RAP1GAP2: variants seen among roughly 807,000 people sequenced by gnomAD.
RAP1GAP2 encodes the protein RAP1 GTPase activating protein 2, also known as rap1 GTPase-activating protein 2.
Under a neutral mutation model 95.0 loss-of-function variants are expected in RAP1GAP2, and 27 were observed. The observed-to-expected ratio is 0.28, with a 90% confidence interval of 0.21 to 0.39. The LOEUF is 0.39. RAP1GAP2 is among the 10% of genes least tolerant of loss of function. The pLI is 1.00. For synonymous variants in RAP1GAP2, 373 were observed against 380.9 expected (o/e 0.98, Z 0.24); for missense variants, 771 against 970.0 (o/e 0.79, Z 2.72).
At chr17:2,956,183 G>C (rs537300455) in intron 3 of RAP1GAP2, among the ~76,000 whole-genome samples, 6 of 152,368 alleles carry the variant, frequency 3.9e-5, no homozygotes, top group African/African-American at 1.4e-4. Flanking sequence ...CAAGTTGGAA[G>C]AGGAGGTTTG....
At chr17:2,945,929 A>G (rs1216068895) in intron 3 of RAP1GAP2, among the ~76,000 whole-genome samples, 1 of 152,078 alleles carries the variant, frequency 6.6e-6, no homozygotes, top group African/African-American at 2.4e-5. Context: ...AGCTGGGATT[A>G]TAGGCACGTG....
intron 2 of RAP1GAP2, among the ~76,000 whole-genome samples, chr17:2,851,961 C>CTG (rs1277063961): frequency 3.3e-5 from 5 of 152,158 alleles, no homozygotes; most frequent in Admixed American, 1.3e-4. Flanking sequence ...GTGCAGCCTT[C>CTG]TGTGTGTGGG....
At chr17:2,850,470 C>T (rs549211464) in intron 2 of RAP1GAP2, among the ~76,000 whole-genome samples, 87 of 151,448 alleles carry the variant, frequency 5.7e-4, no homozygotes, top group African/African-American at 1.9e-3. Flanking sequence ...TAAAGGCAGC[C>T]GGGCGCTGTG....
intron 2 of RAP1GAP2, among the ~76,000 whole-genome samples, chr17:2,831,527 G>A (rs948795069): frequency 1.3e-5 from 2 of 151,598 alleles, no homozygotes; most frequent in African/African-American, 4.8e-5. Flanking sequence ...GTATTTAACG[G>A]TGTGGATTTA....
chr17:2,943,608 T>C (rs540335545), intron 3 of RAP1GAP2, among the ~76,000 whole-genome samples: 10 of 152,024 alleles, frequency 6.6e-5, no homozygotes, highest in African/African-American at 2.2e-4. Flanking sequence ...GATGAGGCAG[T>C]GAGCTGAGAT....
intron 8 of RAP1GAP2, among the ~76,000 whole-genome samples, chr17:2,966,795 C>T (rs967040099): frequency 6.6e-6 from 1 of 152,084 alleles, no homozygotes; most frequent in Admixed American, 6.5e-5. Flanking sequence ...CTAGGTGAAC[C>T]TCTGTGAAGA....
intron 4 of RAP1GAP2, among the ~76,000 whole-genome samples, chr17:2,960,468 A>G (rs1478771991): frequency 3.3e-5 from 5 of 152,196 alleles, no homozygotes; most frequent in Non-Finnish European, 5.9e-5. Context: ...GCCCTCCTGA[A>G]CAATGCTGCA....
At chr17:2,810,569 C>T (rs1196083044) in intron 2 of RAP1GAP2, among the ~76,000 whole-genome samples, 4 of 113,640 alleles carry the variant, frequency 3.5e-5, no homozygotes, top group African/African-American at 1.4e-4. Context: ...CTCGCTCTGT[C>T]ACCCAGGCTA....
At chr17:2,881,384 T>C (rs2073284479) in intron 2 of RAP1GAP2, among the ~76,000 whole-genome samples, 4 of 152,230 alleles carry the variant, frequency 2.6e-5, no homozygotes, top group Admixed American at 2.6e-4. Flanking sequence ...ATGCTCAGTG[T>C]GTAGATGGAA....
intron 2 of RAP1GAP2, among the ~76,000 whole-genome samples, chr17:2,890,326 G>C (rs1442606267): frequency 6.6e-6 from 1 of 152,198 alleles, no homozygotes; most frequent in Admixed American, 6.5e-5. Context: ...GCTGTAGTCT[G>C]TCCCCATTGA....
At chr17:2,985,156 C>T in intron 11 of RAP1GAP2, 90 bp downstream of exon 11, 2 of 1,567,938 alleles carry the variant, frequency 1.3e-6, no homozygotes, top group Non-Finnish European at 1.7e-6. Context: ...GGAGTCCTGA[C>T]CTGCGTTCTG....
chr17:2,895,309 C>T (rs1379615328), intron 2 of RAP1GAP2, among the ~76,000 whole-genome samples: 1 of 152,158 alleles, frequency 6.6e-6, no homozygotes, highest in Non-Finnish European at 1.5e-5. Flanking sequence ...ATCTCCTCCC[C>T]AGCGGGCCCC....
chr17:2,998,128 C>G, intron 13 of RAP1GAP2, 93 bp from the exon 14 acceptor site: 1 of 1,378,082 alleles, frequency 7.3e-7, no homozygotes, highest in Admixed American at 1.9e-5. Context: ...TTCAGTTTTC[C>G]TGTGTGCAAA....
intron 1 of RAP1GAP2, among the ~76,000 whole-genome samples, chr17:2,767,287 G>A (rs2068293771): frequency 6.8e-6 from 1 of 147,912 alleles, no homozygotes; most frequent in Non-Finnish European, 1.5e-5. Context: ...ACTTGAACCC[G>A]GGCGGCAGAG....
intron 1 of RAP1GAP2, among the ~76,000 whole-genome samples, chr17:2,766,180 C>T (rs923799119): frequency 5.9e-5 from 9 of 152,168 alleles, no homozygotes; most frequent in Admixed American, 3.3e-4. Context: ...GGACACTGTG[C>T]GTCCTCTGCA....
At chr17:2,846,497 G>A (rs746678290) in intron 2 of RAP1GAP2, among the ~76,000 whole-genome samples, 24 of 151,872 alleles carry the variant, frequency 1.6e-4, no homozygotes, top group Non-Finnish European at 2.8e-4. Flanking sequence ...TGCAACCTCC[G>A]CCTCCCAGGT....
At position 3,005,894 on chromosome 17, in the gene RAP1GAP2, C is replaced by T. The variant is rs1012936653; in HGVS notation, c.1273-61C>T. Reference sequence around the variant, plus strand: ...CGGCTCTGCCTGCCTGTCACTGTGGCTGAAGACCTTCTGGCAACAGCCGAG... The same window carrying T: ...CGGCTCTGCCTGCCTGTCACTGTGGTTGAAGACCTTCTGGCAACAGCCGAG... On this transcript the variant is annotated intron_variant, in intron 15 of 24. Transcript: ENST00000254695. The surrounding 1 kb of genome is among the most constrained non-coding windows in gnomAD (Gnocchi z 5.2). The T allele has an allele frequency of 3.7e-5, 55 of 1,501,012 alleles. No homozygotes were observed. The highest frequency in any genetic ancestry group is 4.5e-5 in the Non-Finnish European group (49 of 1,077,534). The allele number at this position is 1,501,012 out of a possible 1,614,324, so 93.0% of individuals were successfully genotyped here. A position where few individuals can be genotyped will look rare whatever the true frequency, so the allele number is the denominator to read the frequency against.
intron 11 of RAP1GAP2, among the ~76,000 whole-genome samples, chr17:2,988,365 T>C (rs1395395091): frequency 2.0e-5 from 3 of 152,180 alleles, no homozygotes; most frequent in African/African-American, 7.2e-5. Context: ...ACAACCAGGA[T>C]GTGGACATCA....
At chr17:2,865,640 C>A (rs538071651) in intron 2 of RAP1GAP2, among the ~76,000 whole-genome samples, 5 of 152,192 alleles carry the variant, frequency 3.3e-5, no homozygotes, top group Non-Finnish European at 7.3e-5. Flanking sequence ...CATCTGAAAA[C>A]GAGATCTGCA....
Sources: allele counts gnomAD v4.1 joint callset (sites outside exome capture counted in the v4.1 genomes callset), GRCh38; gene constraint gnomAD v4.1.1; non-coding constraint Gnocchi (gnomAD v3.1); transcripts MANE v1.5; gene names NCBI Gene and HGNC (gene_info 2026-07-23, HGNC 2026-07-21).